Variants in FAM171A1 observed in about 807,000 individuals in gnomAD.
FAM171A1 encodes the protein protein FAM171A1.
Under a neutral mutation model 74.9 loss-of-function variants are expected in FAM171A1, and 23 were observed. That is an observed-to-expected ratio of 0.31 (90% CI 0.22 to 0.44). The LOEUF (loss-of-function observed/expected upper bound fraction) is 0.44, where lower values mean the gene tolerates loss of function less well. Ranked by LOEUF, FAM171A1 falls within the 20% of genes least tolerant of loss-of-function variation. FAM171A1 has a pLI of 1.00. For synonymous variants in FAM171A1, 527 were observed against 505.7 expected, an observed-to-expected ratio of 1.04 and a Z score of -0.57; for missense variants, 1,162 against 1,159.2, an observed-to-expected ratio of 1.00 and a Z score of -0.03.
intron 1 of FAM171A1, among the ~76,000 whole-genome samples, chr10:15,332,104 C>T (rs1835646314): frequency 6.6e-6 from 1 of 151,410 alleles, no homozygotes. Context: ...AGGTGGGCAC[C>T]ACCATGCCCA....
intron 1 of FAM171A1, among the ~76,000 whole-genome samples, chr10:15,307,099 A>T (rs1232025543): frequency 6.6e-6 from 1 of 152,130 alleles, no homozygotes; most frequent in Non-Finnish European, 1.5e-5. Flanking sequence ...CTATGTGCTG[A>T]CCCAGGAGCA....
Position 15,212,952 on chromosome 10 carries a change from C to T in FAM171A1, c.2636G>A (p.Arg879Gln), listed in dbSNP as rs761031895. The T allele has an allele frequency of 1.2e-6, 2 of 1,614,136 alleles. No individual in the cohort carries two copies. The change falls in exon 8 of 8, where the codon CGG (arginine) becomes CAG (glutamine). Residue 879 changes from arginine to glutamine, a missense_variant. Arg to Gln is a conservative substitution (Grantham distance 43). Transcript: ENST00000378116. ...AAACGCCATCAGGGGCCTCTCCTCC[C>T]GTTTCTGCCAGGGGCTTTTCTTGTC... ...GEDKKSPWQK[R>Q]EERPLMAFNI...
chr10:15,221,622 A>T (rs1834040491), intron 5 of FAM171A1, among the ~76,000 whole-genome samples: 1 of 152,230 alleles, frequency 6.6e-6, no homozygotes, highest in African/African-American at 2.4e-5. Context: ...GGAAACACCA[A>T]ATACATCAAG....
chr10:15,286,507 C>T (rs749649933), intron 1 of FAM171A1, among the ~76,000 whole-genome samples: 1 of 152,136 alleles, frequency 6.6e-6, no homozygotes, highest in Non-Finnish European at 1.5e-5. Flanking sequence ...CTCTTGAACT[C>T]CTGATGTCAG....
intron 1 of FAM171A1, among the ~76,000 whole-genome samples, chr10:15,306,534 T>C (rs1279143479): frequency 1.3e-5 from 2 of 152,024 alleles, no homozygotes; most frequent in African/African-American, 4.8e-5. Context: ...CTGGCTAATT[T>C]TGTGTATTTT....
At chr10:15,269,065 C>G (rs1334837732) in intron 3 of FAM171A1, among the ~76,000 whole-genome samples, 8 of 115,834 alleles carry the variant, frequency 6.9e-5, no homozygotes, top group Non-Finnish European at 7.7e-5. Context: ...AACAAACAAA[C>G]AAACAAAGCC....
intron 1 of FAM171A1, among the ~76,000 whole-genome samples, chr10:15,332,973 C>A (rs913737366): frequency 2.0e-5 from 3 of 152,326 alleles, no homozygotes; most frequent in Middle Eastern, 3.4e-3. Context: ...CACCAGAGAG[C>A]CTGCACACCA....
At position 15,264,162 on chromosome 10, in the gene FAM171A1, G is replaced by A. The variant is rs533490915; in HGVS notation, c.419-9283C>T. ...CCTGGCTAATTTTTAAATATTTTTC[G>A]GGTCTTGCTATGTTGCCCAGTCTGG... On this transcript the variant is annotated intron_variant, in intron 3 of 7. Coordinates refer to ENST00000378116, the MANE Select transcript of FAM171A1 (RefSeq NM_001010924.2). Among the ~76,000 whole-genome samples the A allele has an allele frequency of 5.3e-5, 8 of 151,946 alleles. No individual in the cohort carries two copies. In the South Asian group the frequency reaches 1.0e-3, roughly 20 times the overall value.
At chr10:15,223,848 G>A (rs1834070812) in intron 5 of FAM171A1, among the ~76,000 whole-genome samples, 3 of 152,212 alleles carry the variant, frequency 2.0e-5, no homozygotes, top group Non-Finnish European at 2.9e-5. Flanking sequence ...GCGGTGAGCT[G>A]AGATTGAGCC....
At chr10:15,304,702 CTTCTT>C (rs1835273100) in intron 1 of FAM171A1, among the ~76,000 whole-genome samples, 1 of 152,054 alleles carries the variant, frequency 6.6e-6, no homozygotes, top group Non-Finnish European at 1.5e-5. Flanking sequence ...GTGAGCAACT[CTTCTT>C]TTCTTTTAAC....
At position 15,216,434 on chromosome 10, in the gene FAM171A1, A is replaced by AT. The variant is rs550305545; in HGVS notation, c.872-325dup. Reference sequence around the variant, plus strand: ...GCATTTGAAATACATGATCTTTTTAATTTTTTTTTTTTTTGAGACAGGGTC... The same window carrying AT: ...GCATTTGAAATACATGATCTTTTTAATTTTTTTTTTTTTTTGAGACAGGGTC... On this transcript the variant is annotated intron_variant, in intron 6 of 7. Transcript: ENST00000378116. 3.1e-3 allele frequency among the ~76,000 whole-genome samples: 458 copies of AT among 145,446 alleles called. 1 individual carries two copies. The highest frequency in any genetic ancestry group is 7.3e-3 in the African/African-American group (293 of 39,898).
chr10:15,227,523 C>T (rs976623414), intron 5 of FAM171A1, among the ~76,000 whole-genome samples: 8 of 152,186 alleles, frequency 5.3e-5, no homozygotes, highest in African/African-American at 1.9e-4. Flanking sequence ...GCTCAGACTA[C>T]AGGCACGTGC....
At chr10:15,279,371 G>A (rs1201877054) in intron 2 of FAM171A1, among the ~76,000 whole-genome samples, 1 of 152,114 alleles carries the variant, frequency 6.6e-6, no homozygotes, top group Non-Finnish European at 1.5e-5. Context: ...GACTTCCCGG[G>A]GCAGAGGACA....
intron 5 of FAM171A1, among the ~76,000 whole-genome samples, chr10:15,242,076 A>AT (rs1462697039): frequency 6.6e-6 from 1 of 152,230 alleles, no homozygotes. Flanking sequence ...AAAATAGATA[A>AT]TTTAAAGTAT....
At chr10:15,278,771 T>C (rs553822076) in intron 2 of FAM171A1, among the ~76,000 whole-genome samples, 59 of 151,976 alleles carry the variant, frequency 3.9e-4, no homozygotes, top group African/African-American at 1.3e-3. Context: ...AGTGAGTTGG[T>C]GCTAATAGGT....
chr10:15,355,231 C>T lies in FAM171A1; in HGVS notation c.97+15725G>A, dbSNP rs116698151. 4.5e-3 allele frequency among the ~76,000 whole-genome samples: 691 copies of T among 152,242 alleles called. 7 individuals carry two copies. The highest frequency in any genetic ancestry group is 0.015 in the African/African-American group (637 of 41,536). On this transcript the variant is annotated intron_variant, in intron 1 of 7. Coordinates refer to ENST00000378116, the MANE Select transcript of FAM171A1 (RefSeq NM_001010924.2). ...TCCTGAGTACAGGTGCGTGCCACCACGCCCAGCTAATTTTTGTATTTTTTG... is the reference window on the plus strand; with the variant it reads ...TCCTGAGTACAGGTGCGTGCCACCATGCCCAGCTAATTTTTGTATTTTTTG...
intron 3 of FAM171A1, among the ~76,000 whole-genome samples, chr10:15,267,042 T>C (rs926417339): frequency 3.3e-5 from 5 of 152,140 alleles, no homozygotes; most frequent in African/African-American, 9.7e-5. Context: ...GCACGGTGTG[T>C]TGGAGAGCAG....
At chr10:15,311,855 A>G (rs1356861483) in intron 1 of FAM171A1, among the ~76,000 whole-genome samples, 2 of 152,230 alleles carry the variant, frequency 1.3e-5, no homozygotes, top group East Asian at 3.8e-4. Flanking sequence ...TATGGCTTTG[A>G]TAACAGCTCC....
At chr10:15,311,481 C>T (rs1208650297) in intron 1 of FAM171A1, among the ~76,000 whole-genome samples, 1 of 152,152 alleles carries the variant, frequency 6.6e-6, no homozygotes, top group African/African-American at 2.4e-5. Flanking sequence ...TGGGTAAATG[C>T]TTTTGTTTCC....
Sources: gnomAD v4.1 joint callset for allele counts (sites outside exome capture counted in the v4.1 genomes callset) on GRCh38, gnomAD v4.1.1 for gene constraint, MANE v1.5 for transcripts, NCBI Gene and HGNC (gene_info 2026-07-23, HGNC 2026-07-21) for gene names.